MOBP: variants seen among roughly 807,000 people sequenced by gnomAD.
MOBP encodes the protein myelin associated oligodendrocyte basic protein, also known as myelin-associated oligodendrocyte basic protein.
MOBP carries 5 observed loss-of-function variants against 15.0 expected under a neutral mutation model. That is an observed-to-expected ratio of 0.33 (90% confidence interval 0.17 to 0.70). MOBP has a LOEUF of 0.70. Among genes scored for constraint, MOBP ranks in the 30% least tolerant of loss-of-function variants. The pLI, the probability that MOBP is intolerant of heterozygous loss-of-function variation, is 0.67. For synonymous variants in MOBP, 88 were observed against 99.0 expected, an observed-to-expected ratio of 0.89 and a Z score of 0.66; for missense variants, 188 against 257.8, an observed-to-expected ratio of 0.73 and a Z score of 1.85.
chr3:39,482,183 G>A (rs1271102203), intron 2 of MOBP, among the ~76,000 whole-genome samples: 11 of 151,830 alleles, frequency 7.2e-5, no homozygotes, highest in Non-Finnish European at 1.6e-4. Flanking sequence ...GACACACCTT[G>A]GATATACCCT....
downstream of MOBP, among the ~76,000 whole-genome samples, chr3:39,505,794 T>C (rs1197420975): frequency 6.6e-6 from 1 of 152,158 alleles, no homozygotes; most frequent in Non-Finnish European, 1.5e-5. Flanking sequence ...AATCCCTGAT[T>C]CTAGATCAAG....
rs1439249394 is a variant in MOBP, at chr3:39,500,204, G to A, written c.-4-1862G>A. 8 of 398,318 alleles carry A rather than the reference G, an allele frequency of 2.0e-5. No homozygotes were observed. In the Admixed American group the frequency reaches 2.1e-4, roughly 11 times the overall value. The allele number at this position is 398,318 out of a possible 1,614,324, so 24.7% of individuals were successfully genotyped here. The stretch of plus-strand genomic sequence containing the variant: ...GTGCATTCTAATCACTTACTTGCCT[G>A]TATCTCCCACTGGTGGATAAGTTTC... On this transcript the variant is annotated intron_variant, in intron 2 of 3. Transcript: ENST00000684792.
chr3:39,503,776 A>G (rs942998181), downstream of MOBP, among the ~76,000 whole-genome samples: 2 of 152,124 alleles, frequency 1.3e-5, no homozygotes, highest in Non-Finnish European at 2.9e-5. Context: ...TGTTAATTGT[A>G]TTTGAGATTC....
chr3:39,519,775 T>A (rs1323586184), downstream of MOBP, among the ~76,000 whole-genome samples: 3 of 152,302 alleles, frequency 2.0e-5, no homozygotes, highest in African/African-American at 7.2e-5. Context: ...ATTTGCTCAC[T>A]GCCTCAGTAG....
chr3:39,502,096 T>C lies in MOBP; in HGVS notation c.27T>C (p.Gly9=), dbSNP rs1309575538. 1.2e-6 allele frequency: 2 copies of C among 1,613,694 alleles called. No individual in the cohort carries two copies. Among genetic ancestry groups the C allele is most frequent in the South Asian group, 2.2e-5 (2 of 91,070 alleles). Residue 9 remains glycine (G), a synonymous_variant, in exon 3 of 4, where the codon GGT becomes GGC. Transcript: ENST00000684792. This position sits in a 1 kb window ranked among gnomAD's most constrained non-coding sequence, Gnocchi z 6.3. ...TGAGTCAGAAACCGGCCAAGGAGGG[T>C]CCCAGACTCTCCAAAAACCAGAAGT... The part of the protein sequence containing the change: MSQKPAKE[G]PRLSKNQKYS...
At chr3:39,503,875 C>T (rs1023475342), downstream of MOBP, among the ~76,000 whole-genome samples, 4 of 151,994 alleles carry the variant, frequency 2.6e-5, no homozygotes, top group Non-Finnish European at 5.9e-5. Context: ...GAAGAAGAGT[C>T]AATGGGGAAG....
chr3:39,477,955 A>G (rs1406917144), intron 1 of MOBP, among the ~76,000 whole-genome samples: 1 of 152,184 alleles, frequency 6.6e-6, no homozygotes, highest in African/African-American at 2.4e-5. Flanking sequence ...GTGTTATTAC[A>G]AAAGAGTCAA....
At chr3:39,482,227 C>T (rs796481711) in intron 2 of MOBP, among the ~76,000 whole-genome samples, 9 of 152,212 alleles carry the variant, frequency 5.9e-5, no homozygotes, top group East Asian at 3.9e-4. Context: ...TTATGTGCAA[C>T]GAATTACCAA....
intron 2 of MOBP, among the ~76,000 whole-genome samples, chr3:39,496,914 C>T (rs1396041229): frequency 6.6e-6 from 1 of 152,020 alleles, no homozygotes; most frequent in Non-Finnish European, 1.5e-5. Flanking sequence ...TCGCCTGCCT[C>T]AGTCTCCCAA....
intron 2 of MOBP, among the ~76,000 whole-genome samples, chr3:39,491,446 G>A (rs2042793656): frequency 2.0e-5 from 3 of 152,174 alleles, no homozygotes; most frequent in Non-Finnish European, 2.9e-5. Context: ...GACTTACAGT[G>A]AGCTCTCCAT....
In MOBP at chr3:39,494,636, A is replaced by ATTT. The variant is rs553786572; in HGVS notation, c.-4-7430_-4-7429insTTT. On this transcript the variant is annotated intron_variant, in intron 2 of 3. Transcript: ENST00000684792. Reference sequence around the variant, plus strand: ...ATCATCAGAGATACACAGTGAGATAAATAGAGTGTGTCTAAAAAACTCAGC... The same window carrying ATTT: ...ATCATCAGAGATACACAGTGAGATAATTTATAGAGTGTGTCTAAAAAACTCAGC... Among the ~76,000 whole-genome samples the ATTT allele has an allele frequency of 1.7e-4, 26 of 152,310 alleles. No homozygotes were observed. The South Asian group carries it at 4.6e-3, about 27-fold the overall frequency.
downstream of MOBP, chr3:39,516,092 A>G (rs2043198159): frequency 2.0e-5 from 3 of 152,210 alleles, no homozygotes; most frequent in Admixed American, 1.3e-4. Flanking sequence ...GTTTTTAGCA[A>G]CAAGGAACTG....
At chr3:39,517,928 G>A (rs1403496918), downstream of MOBP, 1 of 152,108 alleles carries the variant, frequency 6.6e-6, no homozygotes, top group Non-Finnish European at 1.5e-5. Flanking sequence ...ACATATAAAC[G>A]ACATTGGTAA....
intron 2 of MOBP, among the ~76,000 whole-genome samples, chr3:39,501,425 A>G (rs1177377146): frequency 2.0e-5 from 3 of 152,208 alleles, no homozygotes; most frequent in African/African-American, 7.2e-5. Context: ...AGTCTCCAGC[A>G]AGCTCCCCTG....
At chr3:39,509,124 A>T (rs1481229771) in intron 4 of MOBP, among the ~76,000 whole-genome samples, 2 of 151,334 alleles carry the variant, frequency 1.3e-5, no homozygotes, top group Non-Finnish European at 2.9e-5. Context: ...ATATATATGG[A>T]TTCACATGCC....
At chr3:39,489,567 C>A (rs1224796256) in intron 2 of MOBP, among the ~76,000 whole-genome samples, 1 of 152,256 alleles carries the variant, frequency 6.6e-6, no homozygotes, top group South Asian at 2.1e-4. Flanking sequence ...AATAAATTGT[C>A]TCAGTAGCTC....
intron 2 of MOBP, among the ~76,000 whole-genome samples, chr3:39,498,976 TCTC>T (rs1014102879): frequency 1.3e-5 from 2 of 152,080 alleles, no homozygotes; most frequent in Non-Finnish European, 1.5e-5. Flanking sequence ...GGGCTTCAAA[TCTC>T]CTTCTTATCA....
intron 2 of MOBP, among the ~76,000 whole-genome samples, chr3:39,486,791 G>A (rs1182638281): frequency 3.4e-5 from 5 of 147,604 alleles, no homozygotes; most frequent in East Asian, 2.1e-4. Flanking sequence ...ATTTTCTTTC[G>A]GGTTGTTTTT....
At chr3:39,473,543 C>T (rs2042500129) in intron 1 of MOBP, among the ~76,000 whole-genome samples, 1 of 152,118 alleles carries the variant, frequency 6.6e-6, no homozygotes, top group South Asian at 2.1e-4. Context: ...GTATCTGGTC[C>T]TGGAGGGATA....
Sources: allele counts gnomAD v4.1 joint callset (sites outside exome capture counted in the v4.1 genomes callset), GRCh38; gene constraint gnomAD v4.1.1; non-coding constraint Gnocchi (gnomAD v3.1); transcripts MANE v1.5; gene names NCBI Gene and HGNC (gene_info 2026-07-23, HGNC 2026-07-21).